The following ARL15 variants were observed in gnomAD, a reference collection of about 807,000 sequenced individuals.
The protein encoded by ARL15 is ADP-ribosylation factor-like protein 15.
ARL15 carries 19 observed loss-of-function variants against 25.2 expected under a neutral mutation model. The observed-to-expected ratio is 0.75, with a 90% CI of 0.53 to 1.10. The LOEUF (loss-of-function observed/expected upper bound fraction) is 1.10. Ranked by LOEUF, ARL15 falls within the 50% of genes least tolerant of loss-of-function variation. ARL15 has a pLI of 0.00. For missense variants in ARL15, 220 were observed against 246.0 expected, an observed-to-expected ratio of 0.89 and a Z score of 0.71; for synonymous variants, 94 against 86.8, an observed-to-expected ratio of 1.08 and a Z score of -0.46.
chr5:54,032,153 A>C (rs1750011508), intron 4 of ARL15, among the ~76,000 whole-genome samples: 1 of 152,158 alleles, frequency 6.6e-6, no homozygotes, highest in Non-Finnish European at 1.5e-5. Flanking sequence ...AAAAGAGAGA[A>C]AATTTAGAAG....
At chr5:54,088,318 G>A (rs184360092) in intron 4 of ARL15, among the ~76,000 whole-genome samples, 1 of 152,222 alleles carries the variant, frequency 6.6e-6, no homozygotes, top group East Asian at 1.9e-4. Context: ...GTCAAAACTG[G>A]GCTATACGTA....
intron 1 of ARL15, among the ~76,000 whole-genome samples, chr5:54,252,720 G>C (rs530059253): frequency 6.6e-6 from 1 of 152,210 alleles, no homozygotes; most frequent in East Asian, 1.9e-4. Flanking sequence ...GAGAGAACAA[G>C]TTTGTTTTGT....
At chr5:53,892,009 C>T (rs1019587823) in intron 4 of ARL15, among the ~76,000 whole-genome samples, 2 of 152,140 alleles carry the variant, frequency 1.3e-5, no homozygotes, top group African/African-American at 2.4e-5. Flanking sequence ...GGGTTTTCCC[C>T]CATGAGCTTT....
chr5:54,224,761 C>T (rs1404673125), intron 1 of ARL15, among the ~76,000 whole-genome samples: 1 of 152,120 alleles, frequency 6.6e-6, no homozygotes, highest in African/African-American at 2.4e-5. Flanking sequence ...TTTTTATCAA[C>T]AGCACATACT....
chr5:54,130,446 T>C (rs958580585), intron 3 of ARL15, among the ~76,000 whole-genome samples: 2 of 152,236 alleles, frequency 1.3e-5, no homozygotes, highest in Admixed American at 6.5e-5. Context: ...AAAATCCTTT[T>C]ACAGAAAATC....
chr5:54,095,288 G>A (rs577329704), intron 4 of ARL15, among the ~76,000 whole-genome samples: 13 of 152,286 alleles, frequency 8.5e-5, no homozygotes, highest in African/African-American at 2.9e-4. Flanking sequence ...TCCTGTTTAT[G>A]CATAGGAAGA....
At chr5:53,995,818 C>T (rs763190285) in intron 4 of ARL15, among the ~76,000 whole-genome samples, 12 of 147,540 alleles carry the variant, frequency 8.1e-5, no homozygotes, top group Non-Finnish European at 1.2e-4. Context: ...TATTCCCATA[C>T]GTTCCCCAAA....
chr5:53,986,804 G>C (rs1240633625), intron 4 of ARL15, among the ~76,000 whole-genome samples: 1 of 152,174 alleles, frequency 6.6e-6, no homozygotes, highest in African/African-American at 2.4e-5. Context: ...GAAGAAGCCT[G>C]ACAGAGTCCT....
At chr5:54,011,977 C>T (rs1245414970) in intron 4 of ARL15, among the ~76,000 whole-genome samples, 4 of 151,782 alleles carry the variant, frequency 2.6e-5, no homozygotes, top group African/African-American at 9.7e-5. Context: ...CCACTGCACC[C>T]TAGCCTGGCA....
At chr5:54,112,504 T>C (rs1476554039) in intron 4 of ARL15, among the ~76,000 whole-genome samples, 1 of 152,236 alleles carries the variant, frequency 6.6e-6, no homozygotes, top group African/African-American at 2.4e-5. Flanking sequence ...TCAGGAGTTT[T>C]GATTTCACTG....
chr5:53,910,623 TA>T lies in ARL15; in HGVS notation c.463-23911del, dbSNP rs201042973. On this transcript the variant is annotated intron_variant, in intron 4 of 4. Coordinates refer to ENST00000504924, the MANE Select transcript of ARL15 (RefSeq NM_019087.3). The stretch of plus-strand genomic sequence containing the variant: ...ATGTACCCTAGAACTTAAAGTATAA[TA>T]AAAAAAAATTATATATATATATATA... 1.5e-3 allele frequency among the ~76,000 whole-genome samples: 95 copies of T among 61,960 alleles called. 3 individuals carry two copies. Among genetic ancestry groups the T allele is most frequent in the African/African-American group, 5.6e-3 (82 of 14,642 alleles). The allele number at this position is 61,960 out of a possible 152,430, so 40.6% of individuals were successfully genotyped here.
At chr5:54,243,725 A>G (rs749457179) in intron 1 of ARL15, among the ~76,000 whole-genome samples, 1 of 152,236 alleles carries the variant, frequency 6.6e-6, no homozygotes, top group Non-Finnish European at 1.5e-5. Flanking sequence ...TTTTCAAAAG[A>G]AGCTAGAAAA....
intron 4 of ARL15, among the ~76,000 whole-genome samples, chr5:53,954,032 A>T (rs575458501): frequency 3.3e-5 from 5 of 151,192 alleles, no homozygotes; most frequent in Non-Finnish European, 7.4e-5. Flanking sequence ...TCAGATCTTT[A>T]GTTGAATATG....
chr5:54,302,540 T>G (rs1283511015), intron 1 of ARL15, among the ~76,000 whole-genome samples: 1 of 152,102 alleles, frequency 6.6e-6, no homozygotes, highest in Non-Finnish European at 1.5e-5. Context: ...AAATGGTGAT[T>G]AAGACGGTCA....
chr5:53,893,939 G>C (rs1744795560), intron 4 of ARL15, among the ~76,000 whole-genome samples: 1 of 152,072 alleles, frequency 6.6e-6, no homozygotes, highest in Non-Finnish European at 1.5e-5. Flanking sequence ...TCCTTAGAAA[G>C]GTACTAAATA....
At chr5:54,270,193 T>C (rs1396780438) in intron 1 of ARL15, among the ~76,000 whole-genome samples, 1 of 152,234 alleles carries the variant, frequency 6.6e-6, no homozygotes, top group African/African-American at 2.4e-5. Context: ...TTTGTTTTAT[T>C]GAAAGCAAAG....
intron 1 of ARL15, among the ~76,000 whole-genome samples, chr5:54,281,336 C>T (rs1758060186): frequency 6.6e-6 from 1 of 152,126 alleles, no homozygotes; most frequent in Non-Finnish European, 1.5e-5. Context: ...GACAGGGTTT[C>T]ACCACATTGG....
At chr5:53,956,078 C>T (rs898374183) in intron 4 of ARL15, among the ~76,000 whole-genome samples, 1 of 152,076 alleles carries the variant, frequency 6.6e-6, no homozygotes, top group Non-Finnish European at 1.5e-5. Context: ...CACATACCCA[C>T]AGCATGATAT....
intron 4 of ARL15, among the ~76,000 whole-genome samples, chr5:53,943,101 C>T (rs1746598535): frequency 6.6e-6 from 1 of 151,884 alleles, no homozygotes; most frequent in Admixed American, 6.6e-5. Context: ...TGGAGGAGGG[C>T]TGGTCAGTGG....
Sources: allele counts gnomAD v4.1 joint callset (sites outside exome capture counted in the v4.1 genomes callset), GRCh38; gene constraint gnomAD v4.1.1; transcripts MANE v1.5; gene names NCBI Gene and HGNC (gene_info 2026-07-23, HGNC 2026-07-21).